Variants in COL4A6 observed in about 807,000 individuals in gnomAD.
COL4A6 encodes collagen alpha-6(IV) chain.
In COL4A6, 59 loss-of-function variants were observed where a neutral mutation model predicts 126.7. The ratio of observed to expected loss-of-function variants is 0.47; its 90% CI spans 0.38 to 0.58. COL4A6 has a LOEUF of 0.58. COL4A6 is among the 20% of genes least tolerant of loss of function. The probability of loss-of-function intolerance (pLI) is 0.00; values close to 1 mark genes in which losing one functional copy is unlikely to be tolerated. For missense variants in COL4A6, 1,285 were observed against 1,337.3 expected (o/e 0.96, Z 0.61); for synonymous variants, 547 against 496.6 (o/e 1.10, Z -1.35).
At chrX:108,261,037 C>A (rs760064041) in intron 3 of COL4A6, among the ~76,000 whole-genome samples, 1 of 110,586 alleles carries the variant, frequency 9.0e-6, no homozygotes, top group East Asian at 2.9e-4. Context: ...TTTCAACTAC[C>A]TCTTTAATCA....
chrX:108,387,905 A>G (rs764663166), intron 2 of COL4A6, among the ~76,000 whole-genome samples: 53 of 111,887 alleles, frequency 4.7e-4, no homozygotes, highest in Non-Finnish European at 7.5e-4. Context: ...TACTTAGTTC[A>G]TTGAGAGTTT....
At chrX:108,400,950 C>T (rs2041076029) in intron 2 of COL4A6, among the ~76,000 whole-genome samples, 1 of 111,557 alleles carries the variant, frequency 9.0e-6, no homozygotes, top group Admixed American at 9.5e-5. Context: ...GAAAGTCATT[C>T]CCTATTCCAC....
intron 2 of COL4A6, among the ~76,000 whole-genome samples, chrX:108,402,129 T>C (rs939170251): frequency 9.0e-6 from 1 of 111,321 alleles, no homozygotes; most frequent in African/African-American, 3.3e-5. Context: ...TCTCATGGAA[T>C]AAGTTGGTGG....
intron 44 of COL4A6, 36 bp from the exon 45 acceptor site, chrX:108,157,296 C>T (rs1371468588): frequency 6.7e-6 from 8 of 1,188,525 alleles, no homozygotes; most frequent in Non-Finnish European, 9.1e-6. Flanking sequence ...TGAGCTGTGC[C>T]TGCCAAGGGT....
intron 38 of COL4A6, 104 bp from the exon 39 acceptor site, chrX:108,165,142 A>T: frequency 1.1e-6 from 1 of 914,165 alleles, no homozygotes; most frequent in Non-Finnish European, 1.5e-6. Flanking sequence ...CCCAGGACAG[A>T]GAATGTTCCC....
chrX:108,341,552 C>T (rs773724361), intron 2 of COL4A6, among the ~76,000 whole-genome samples: 1 of 110,917 alleles, frequency 9.0e-6, no homozygotes, highest in African/African-American at 3.3e-5. Flanking sequence ...TGCCTTTTGC[C>T]TTCCATCATG....
rs929591919 is a variant in COL4A6 at position 108,235,007 on chromosome X, A to G, written c.145-13633T>C. On this transcript the variant is annotated intron_variant, in intron 3 of 44. Transcript: ENST00000334504. The stretch of plus-strand genomic sequence containing the variant: ...GTTAGAAAAGTGTGAAGGCCTACCA[A>G]TCAGCACTGAGAGCTCCCCCGACAC... 5.4e-5 allele frequency among the ~76,000 whole-genome samples: 6 copies of G among 111,552 alleles called. No individual in the cohort carries two copies. In the East Asian group the frequency reaches 1.7e-3, roughly 32 times the overall value.
At chrX:108,339,859 CT>C (rs1467687219) in intron 2 of COL4A6, among the ~76,000 whole-genome samples, 1 of 111,067 alleles carries the variant, frequency 9.0e-6, no homozygotes, top group Admixed American at 9.6e-5. Context: ...TACGGCTTTT[CT>C]GTTCTTTAGT....
intron 3 of COL4A6, among the ~76,000 whole-genome samples, chrX:108,279,625 G>A (rs1251095355): frequency 9.0e-6 from 1 of 111,480 alleles, no homozygotes; most frequent in East Asian, 2.8e-4. Flanking sequence ...ATTGAACTCA[G>A]CTCTGCACCA....
intron 3 of COL4A6, among the ~76,000 whole-genome samples, chrX:108,262,656 T>C (rs2037196183): frequency 9.0e-6 from 1 of 111,558 alleles, no homozygotes; most frequent in African/African-American, 3.3e-5. Context: ...CTTACACGAC[T>C]AATGTGAGGC....
intron 13 of COL4A6, among the ~76,000 whole-genome samples, chrX:108,199,159 G>A (rs2035313089): frequency 9.0e-6 from 1 of 110,601 alleles, no homozygotes; most frequent in Non-Finnish European, 1.9e-5. Flanking sequence ...CAAAGATTTG[G>A]ACTCATATAG....
At chrX:108,364,640 C>T (rs1161852828) in intron 2 of COL4A6, among the ~76,000 whole-genome samples, 5 of 111,153 alleles carry the variant, frequency 4.5e-5, no homozygotes, top group African/African-American at 1.3e-4. Context: ...CATGTGTACA[C>T]ATTTTTCAGC....
At chrX:108,305,540 G>A (rs1453584859) in intron 3 of COL4A6, among the ~76,000 whole-genome samples, 1 of 111,949 alleles carries the variant, frequency 8.9e-6, no homozygotes, top group Non-Finnish European at 1.9e-5. Context: ...TGGCAGGACA[G>A]TGGCAAATTG....
At chrX:108,348,436 A>G (rs1377951683) in intron 2 of COL4A6, among the ~76,000 whole-genome samples, 2 of 111,428 alleles carry the variant, frequency 1.8e-5, no homozygotes, top group Non-Finnish European at 3.8e-5. Context: ...AGCCATGTTT[A>G]CCTCTGGATT....
chrX:108,383,632 G>A, intron 2 of COL4A6: 1 of 552,394 alleles, frequency 1.8e-6, no homozygotes, highest in South Asian at 2.7e-5. Context: ...GGGGCACTAT[G>A]CTGACCAATT....
At chrX:108,261,822 C>A (rs764136526) in intron 3 of COL4A6, among the ~76,000 whole-genome samples, 1 of 111,842 alleles carries the variant, frequency 8.9e-6, no homozygotes, top group Admixed American at 9.5e-5. Context: ...AGTCATACAT[C>A]TGGGCCCCAA....
intron 2 of COL4A6, among the ~76,000 whole-genome samples, chrX:108,421,017 C>T (rs151034580): frequency 0.018 from 1,999 of 112,116 alleles, 25 homozygotes; most frequent in Admixed American, 0.062. Context: ...TATAATTTAA[C>T]GCTAACTAGT....
intron 44 of COL4A6, among the ~76,000 whole-genome samples, chrX:108,158,709 C>T (rs1349444010): frequency 8.9e-6 from 1 of 112,263 alleles, no homozygotes; most frequent in Non-Finnish European, 1.9e-5. Context: ...TTTAAAGACA[C>T]TCTCTCACCA....
chrX:108,210,415 C>T (rs964667784), intron 7 of COL4A6, among the ~76,000 whole-genome samples: 2 of 112,165 alleles, frequency 1.8e-5, no homozygotes, highest in Non-Finnish European at 3.8e-5. Context: ...CGATGCAAAT[C>T]GGTCATTTCA....
Sources: allele counts gnomAD v4.1 joint callset (sites outside exome capture counted in the v4.1 genomes callset), GRCh38; gene constraint gnomAD v4.1.1; transcripts MANE v1.5; gene names NCBI Gene and HGNC (gene_info 2026-07-23, HGNC 2026-07-21).